Variants in EVPLL observed in about 807,000 individuals in gnomAD.
EVPLL encodes the protein envoplakin-like protein.
Under a neutral mutation model 46.2 loss-of-function variants are expected in EVPLL, and 39 were observed. That is an observed-to-expected ratio of 0.84 (90% CI 0.65 to 1.10). EVPLL has a LOEUF of 1.10. EVPLL is among the 50% of genes least tolerant of loss of function. EVPLL has a pLI of 0.00. For missense variants in EVPLL, 385 were observed against 412.6 expected (o/e 0.93, Z 0.58); for synonymous variants, 156 against 165.8 (o/e 0.94, Z 0.46).
Position 18,383,156 on chromosome 17 carries a change from G to C in EVPLL, c.643G>C (p.Asp215His). The stretch of plus-strand genomic sequence containing the variant: ...GCAGGACTGGAGCGACCTCATGGCC[G>C]ACCCTGCGGGCGTGCGGCGGGAATA... Reference protein sequence around the residue: ...LQQDWSDLMADPAGVRREYEH... With the variant: ...LQQDWSDLMAHPAGVRREYEH... The change falls in exon 7 of 11, where the codon GAC (aspartate) becomes CAC (histidine). Residue 215 changes from aspartate to histidine, a missense_variant. By Grantham distance (81) the Asp-to-His change is moderately conservative. Transcript: ENST00000399134. 6.4e-7 allele frequency: 1 copy of C among 1,551,986 alleles called. No homozygotes were observed. Among genetic ancestry groups the C allele is most frequent in the Non-Finnish European group, 8.7e-7 (1 of 1,154,816 alleles).
chr17:18,383,433 G>T, intron 8 of EVPLL, 55 bp downstream of exon 8: 3 of 1,542,276 alleles, frequency 1.9e-6, no homozygotes, highest in Non-Finnish European at 2.6e-6. Context: ...GGGAAGGGGG[G>T]GGTGGACGTG....
chr17:18,382,832 G>T lies in EVPLL; in HGVS notation c.479G>T (p.Arg160Leu). ...CTCCCCTTGGTCAAGGCAGGATGCC[G>T]CCACCATCCGGAGCCAATACCGAGA... ...AAAEPGGAGC[R>L]HHPEPIPRPT... is the part of the protein sequence containing the mutation. The change falls in exon 6 of 11, where the codon CGC (arginine) becomes CTC (leucine). Residue 160 changes from arginine (R) to leucine (L), a missense_variant. Transcript: ENST00000399134. 6.2e-7 allele frequency: 1 copy of T among 1,613,154 alleles called. No homozygotes were observed. Among genetic ancestry groups the T allele is most frequent in the Non-Finnish European group, 8.5e-7 (1 of 1,179,668 alleles).
At position 18,381,602 on chromosome 17, in the gene EVPLL, G is replaced by A; in HGVS notation, c.219-1G>A. On this transcript the variant is annotated splice_acceptor_variant, in intron 3 of 10. Coordinates refer to ENST00000399134, the MANE Select transcript of EVPLL (RefSeq NM_001145127.2). LOFTEE classifies it high-confidence loss of function. The surrounding 1 kb of genome is among the most constrained non-coding windows in gnomAD (Gnocchi z 4.2). ...TGACCTGCTGGCCACCTTCTTGACA[G>A]CATCGAGCAGCTGCACGAGCGGGTG... 4 of 1,614,094 alleles carry A rather than the reference G, an allele frequency of 2.5e-6. No homozygotes were observed. The highest frequency in any genetic ancestry group is 3.4e-6 in the Non-Finnish European group (4 of 1,180,010).
intron 9 of EVPLL, among the ~76,000 whole-genome samples, chr17:18,385,016 G>A (rs900745650): frequency 2.6e-5 from 4 of 151,748 alleles, no homozygotes; most frequent in Admixed American, 2.0e-4. Context: ...GGCAAGAGAT[G>A]ACAAGAGAGA....
chr17:18,382,919 C>T (rs1987633621), intron 6 of EVPLL, 55 bp downstream of exon 6: 2 of 1,599,856 alleles, frequency 1.3e-6, no homozygotes, highest in Non-Finnish European at 8.5e-7. Context: ...GGGTGGCCGC[C>T]CGGACCCTGC....
chr17:18,383,448 CG>C, intron 8 of EVPLL, 43 bp from the exon 9 acceptor site: 1 of 419,216 alleles, frequency 2.4e-6, no homozygotes, highest in Non-Finnish European at 3.5e-6. Flanking sequence ...GACGTGGGTG[CG>C]GGGGCGGGGC....
At chr17:18,387,051 C>G (rs921286207) in intron 9 of EVPLL, among the ~76,000 whole-genome samples, 2 of 125,028 alleles carry the variant, frequency 1.6e-5, no homozygotes, top group Non-Finnish European at 3.5e-5. Context: ...CCCGCCACCA[C>G]GCATGGCTAA....
In EVPLL at chr17:18,381,581, C is replaced by A. The variant is rs1384225671; in HGVS notation, c.219-22C>A. ...GGGAAGACCCAGGCCCAGCCCTGAC[C>A]TGCTGGCCACCTTCTTGACAGCATC... On this transcript the variant is annotated intron_variant, in intron 3 of 10. Transcript: ENST00000399134. The surrounding 1 kb of genome is among the most constrained non-coding windows in gnomAD (Gnocchi z 4.2). The A allele has an allele frequency of 6.2e-7, 1 of 1,613,838 alleles. No homozygotes were observed. Among genetic ancestry groups the A allele is most frequent in the Non-Finnish European group, 8.5e-7 (1 of 1,179,972 alleles).
In EVPLL at chr17:18,382,500, G is replaced by A; in HGVS notation, c.347-13G>A. On this transcript the variant is annotated splice_polypyrimidine_tract_variant and intron_variant, in intron 4 of 10. Transcript: ENST00000399134. ...CTGGTCCTGTGGTGACTGAGCCGCCGGCTCTCCTGCAGAAGCTGGTCTGCG... is the reference window on the plus strand; with the variant it reads ...CTGGTCCTGTGGTGACTGAGCCGCCAGCTCTCCTGCAGAAGCTGGTCTGCG... 2 of 1,551,498 alleles carry A rather than the reference G, an allele frequency of 1.3e-6. No homozygotes were observed.
intron 1 of EVPLL, among the ~76,000 whole-genome samples, chr17:18,378,888 G>A (rs958799643): frequency 2.6e-5 from 4 of 151,862 alleles, no homozygotes; most frequent in Non-Finnish European, 5.9e-5. Flanking sequence ...GACCAGCCTG[G>A]GCAACATGAC....
rs1987594226 is a variant in EVPLL, at chr17:18,381,973, T to G, written c.346+243T>G. 1.8e-6 allele frequency: 1 copy of G among 565,864 alleles called. No homozygotes were observed. The allele number at this position is 565,864 out of a possible 1,614,324, so 35.1% of individuals were successfully genotyped here. A position where few individuals can be genotyped will look rare whatever the true frequency, so the allele number is the denominator to read the frequency against. Reference sequence around the variant, plus strand: ...GGGTGAAGTAGTGAGGAGAGGACAATTCCAGAAAGAAGGAGCAAAGGCACC... The same window carrying G: ...GGGTGAAGTAGTGAGGAGAGGACAAGTCCAGAAAGAAGGAGCAAAGGCACC... On this transcript the variant is annotated intron_variant, in intron 4 of 10. Coordinates refer to ENST00000399134, the MANE Select transcript of EVPLL (RefSeq NM_001145127.2). The surrounding 1 kb of genome is among the most constrained non-coding windows in gnomAD (Gnocchi z 4.2).
At chr17:18,384,025 G>A (rs924789293) in intron 9 of EVPLL, among the ~76,000 whole-genome samples, 1 of 152,174 alleles carries the variant, frequency 6.6e-6, no homozygotes, top group Non-Finnish European at 1.5e-5. Context: ...CAGAGGGAAG[G>A]AAAGGCATGG....
chr17:18,381,751 C>T lies in EVPLL; in HGVS notation c.346+21C>T. The T allele has an allele frequency of 1.2e-6, 2 of 1,614,022 alleles. No homozygotes were observed. The highest frequency in any genetic ancestry group is 1.7e-6 in the Non-Finnish European group (2 of 1,180,002). On this transcript the variant is annotated intron_variant, in intron 4 of 10. Coordinates refer to ENST00000399134, the MANE Select transcript of EVPLL (RefSeq NM_001145127.2). This position sits in a 1 kb window ranked among gnomAD's most constrained non-coding sequence, Gnocchi z 4.2. ...AACAGGTCAGGAGCTCAAAGTCACA[C>T]CCCAGTGTGATCAGAGGGTGATACG... is the stretch of plus-strand genomic sequence containing the variant.
intron 9 of EVPLL, among the ~76,000 whole-genome samples, chr17:18,386,243 T>C (rs751089982): frequency 1.3e-5 from 2 of 152,156 alleles, no homozygotes; most frequent in African/African-American, 2.4e-5. Flanking sequence ...TGTCTCTGTG[T>C]CCAAATTTGC....
intron 1 of EVPLL, among the ~76,000 whole-genome samples, chr17:18,379,366 G>A (rs1470734353): frequency 1.3e-5 from 2 of 152,228 alleles, no homozygotes; most frequent in Admixed American, 6.5e-5. Flanking sequence ...ACCGAGTCTG[G>A]GCGTCTGGGC....
At chr17:18,382,790 C>T in intron 5 of EVPLL, 36 bp from the exon 6 acceptor site, 1 of 1,606,794 alleles carries the variant, frequency 6.2e-7, no homozygotes, top group Non-Finnish European at 8.5e-7. Context: ...TGTGCCCCAC[C>T]TCTCACGGGC....
intron 9 of EVPLL, among the ~76,000 whole-genome samples, chr17:18,384,331 C>A (rs1279224602): frequency 2.0e-5 from 3 of 151,290 alleles, no homozygotes; most frequent in Non-Finnish European, 4.4e-5. Flanking sequence ...ACTAGCCAGG[C>A]ATGGTGGCTC....
In EVPLL at chr17:18,381,416, C is replaced by T. The variant is rs763210413; in HGVS notation, c.113C>T (p.Thr38Met). The part of the protein sequence containing the change: ...QSQALQHQQE[T>M]GSSLKEAEVL... Reference sequence around the variant, plus strand: ...CAGGCCCTGCAGCACCAGCAGGAGACGGGCAGCAGCCTGAAGGAGGCCGAG... The same window carrying T: ...CAGGCCCTGCAGCACCAGCAGGAGATGGGCAGCAGCCTGAAGGAGGCCGAG... The change falls in exon 3 of 11, where the codon ACG (threonine) becomes ATG (methionine). Residue 38 changes from threonine to methionine, a missense_variant. Thr to Met is a moderately conservative substitution (Grantham distance 81). Coordinates refer to ENST00000399134, the MANE Select transcript of EVPLL (RefSeq NM_001145127.2). The surrounding 1 kb of genome is among the most constrained non-coding windows in gnomAD (Gnocchi z 4.2). 4.7e-5 allele frequency: 76 copies of T among 1,605,162 alleles called. No individual in the cohort carries two copies. The Admixed American group carries it at 5.1e-4, about 11-fold the overall frequency.
Position 18,380,760 on chromosome 17 carries a change from G to A in EVPLL, c.-36-142G>A, listed in dbSNP as rs1252256711. The stretch of plus-strand genomic sequence containing the variant: ...CCAGGTCTAGCTCACAGAGCCTCCT[G>A]CAGAGAGAGACCCCAAAGTCAGGGC... On this transcript the variant is annotated intron_variant, in intron 1 of 10. Coordinates refer to ENST00000399134, the MANE Select transcript of EVPLL (RefSeq NM_001145127.2). 49 of 693,690 alleles carry A rather than the reference G, an allele frequency of 7.1e-5. No homozygotes were observed. The South Asian group carries it at 7.2e-4, about 10-fold the overall frequency. 43.0% of individuals were successfully genotyped at this position (693,690 alleles called of 1,614,324 possible).
Sources: allele counts gnomAD v4.1 joint callset (sites outside exome capture counted in the v4.1 genomes callset), GRCh38; gene constraint gnomAD v4.1.1; non-coding constraint Gnocchi (gnomAD v3.1); transcripts MANE v1.5; gene names NCBI Gene and HGNC (gene_info 2026-07-23, HGNC 2026-07-21).